USP42: variants seen among roughly 807,000 people sequenced by gnomAD.
USP42 encodes ubiquitin carboxyl-terminal hydrolase 42.
USP42 carries 23 observed loss-of-function variants against 113.0 expected under a neutral mutation model. That is an observed-to-expected ratio of 0.20 (90% CI 0.15 to 0.29). The LOEUF (loss-of-function observed/expected upper bound fraction) is 0.29. Among genes scored for constraint, USP42 ranks in the 10% least tolerant of loss-of-function variants. The pLI, the probability that USP42 is intolerant of heterozygous loss-of-function variation, is 1.00. For synonymous variants in USP42, 933 were observed against 699.0 expected (o/e 1.33, Z -5.28); for missense variants, 2,174 against 1,779.8 (o/e 1.22, Z -3.99).
rs1562867135 is a variant in USP42 at position 6,161,156 on chromosome 7, A to G, written c.*638A>G. 1 of 152,650 alleles carries G rather than the reference A, an allele frequency of 6.6e-6. No homozygotes were observed. The highest frequency in any genetic ancestry group is 1.5e-5 in the Non-Finnish European group (1 of 68,046). 9.5% of individuals were successfully genotyped at this position (152,650 alleles called of 1,614,324 possible). On this transcript the variant is annotated 3_prime_UTR_variant, in exon 18 of 18. Coordinates refer to ENST00000306177, the MANE Select transcript of USP42 (RefSeq NM_032172.3). ...GTTATGATGAGTATTTACATTATGA[A>G]TGTATAACCCAGACATGATTTGTAA...
intron 3 of USP42, among the ~76,000 whole-genome samples, chr7:6,115,888 C>G (rs1779883981): frequency 6.6e-6 from 1 of 151,982 alleles, no homozygotes; most frequent in Non-Finnish European, 1.5e-5. Context: ...CACTCGAGCC[C>G]AAGAGTTGGA....
chr7:6,089,899 C>A, the USP42 span, among the ~76,000 whole-genome samples: 1 of 150,960 alleles, frequency 6.6e-6, no homozygotes, highest in Non-Finnish European at 1.5e-5. Context: ...TGGCTGGGCG[C>A]AGGAGGCGCC....
Position 6,139,188 on chromosome 7 carries a change from G to A in USP42, c.650G>A (p.Ser217Asn). Residue 217 changes from serine to asparagine, a missense_variant, in exon 5 of 18, where the codon AGC becomes AAC. Transcript: ENST00000306177. This position sits in a 1 kb window ranked among gnomAD's most constrained non-coding sequence, Gnocchi z 4.5. Reference sequence around the variant, plus strand: ...ATGCAGAAAGCATGCTTGAATGGCAGCAATAAGTAAGTACAACAGAGCGCC... The same window carrying A: ...ATGCAGAAAGCATGCTTGAATGGCAACAATAAGTAAGTACAACAGAGCGCC... Reference protein sequence around the residue: ...DAMQKACLNGSNKLDRHTQAT... With the variant: ...DAMQKACLNGNNKLDRHTQAT... 1 of 1,600,170 alleles carries A rather than the reference G, an allele frequency of 6.2e-7. No homozygotes were observed. Among genetic ancestry groups the A allele is most frequent in the Non-Finnish European group, 8.5e-7 (1 of 1,173,116 alleles).
chr7:6,117,517 G>A (rs1165355940), intron 3 of USP42, among the ~76,000 whole-genome samples: 1 of 152,170 alleles, frequency 6.6e-6, no homozygotes, highest in East Asian at 1.9e-4. Context: ...TAGCAAACAA[G>A]CCTTTGTTAG....
intron 1 of USP42, among the ~76,000 whole-genome samples, chr7:6,106,952 T>C (rs1583566044): frequency 6.6e-6 from 1 of 152,244 alleles, no homozygotes; most frequent in Non-Finnish European, 1.5e-5. Flanking sequence ...AACAGTAATA[T>C]TTAGAAGCTT....
chr7:6,120,620 G>A (rs922421132), intron 3 of USP42, among the ~76,000 whole-genome samples: 25 of 152,192 alleles, frequency 1.6e-4, no homozygotes, highest in Admixed American at 5.2e-4. Context: ...TTAGTTTCTC[G>A]TTGCCCAGGC....
intron 12 of USP42, 132 bp downstream of exon 12, chr7:6,148,024 C>G (rs1169109043): frequency 3.0e-6 from 3 of 988,178 alleles, no homozygotes; most frequent in African/African-American, 3.3e-5. Flanking sequence ...TAATCAAACC[C>G]TCTTACACAG....
At chr7:6,117,957 T>TTATA in intron 3 of USP42, among the ~76,000 whole-genome samples, 1 of 152,368 alleles carries the variant, frequency 6.6e-6, no homozygotes, top group Non-Finnish European at 1.5e-5. Flanking sequence ...AGAGAGTTCT[T>TTATA]TATATATCCT....
upstream of USP42, among the ~76,000 whole-genome samples, chr7:6,103,505 A>G (rs1215755038): frequency 6.9e-6 from 1 of 145,008 alleles, no homozygotes; most frequent in Non-Finnish European, 1.5e-5. Context: ...CCATAAGAGC[A>G]AACTCCGTCT....
the USP42 span, among the ~76,000 whole-genome samples, chr7:6,096,999 C>T: frequency 2.9e-4 from 44 of 150,682 alleles, no homozygotes; most frequent in Non-Finnish European, 5.4e-4. Context: ...TCTTGGCTCC[C>T]GGGTTCAAGT....
At position 6,145,530 on chromosome 7, in the gene USP42, T is replaced by G; in HGVS notation, c.1005T>G (p.Pro335=). ...TTTCCTTCTAGGATGTGAAATACCC[T>G]GAGTATCTTGATATTCGGCCATATA... ...GGKIAKDVKY[P]EYLDIRPYMS... The change falls in exon 10 of 18, where the codon CCT becomes CCG. Residue 335 remains proline (P), a synonymous_variant. Coordinates refer to ENST00000306177, the MANE Select transcript of USP42 (RefSeq NM_032172.3). 2 of 1,613,984 alleles carry G rather than the reference T, an allele frequency of 1.2e-6. No homozygotes were observed. The highest frequency in any genetic ancestry group is 1.7e-6 in the Non-Finnish European group (2 of 1,179,884).
At chr7:6,152,870 C>T (rs1227414786) in intron 14 of USP42, 2 of 952,800 alleles carry the variant, frequency 2.1e-6, no homozygotes, top group African/African-American at 3.5e-5. Context: ...GGTGGCCCCT[C>T]TACCTTTGAG....
chr7:6,146,467 C>G (rs1035953566), intron 11 of USP42, among the ~76,000 whole-genome samples: 5 of 152,092 alleles, frequency 3.3e-5, no homozygotes, highest in Admixed American at 6.5e-5. Flanking sequence ...CGAGACCGAC[C>G]AGCCTGGGCA....
At chr7:6,122,803 T>C (rs1391099400) in intron 3 of USP42, among the ~76,000 whole-genome samples, 1 of 150,976 alleles carries the variant, frequency 6.6e-6, no homozygotes, top group African/African-American at 2.4e-5. Context: ...AGGGTCTCAC[T>C]AAGTTGCTCA....
intron 1 of USP42, among the ~76,000 whole-genome samples, chr7:6,110,002 A>G (rs1779509030): frequency 2.7e-5 from 4 of 149,752 alleles, no homozygotes; most frequent in Admixed American, 6.7e-5. Context: ...TGCCTGGGTA[A>G]TTTTTGTTTT....
chr7:6,084,574 C>T, the USP42 span: 1 of 151,292 alleles, frequency 6.6e-6, no homozygotes, highest in Non-Finnish European at 1.5e-5. Context: ...ACATCGCTGC[C>T]CGCATCACCA....
intron 2 of USP42, among the ~76,000 whole-genome samples, chr7:6,114,674 ATATATTTTTT>A (rs1315163029): frequency 5.7e-5 from 2 of 34,808 alleles, no homozygotes; most frequent in East Asian, 3.0e-3. Flanking sequence ...ATATATATAT[ATATATTTTTT>A]TTTTTTTTTT....
At chr7:6,118,942 C>T (rs1326230371) in intron 3 of USP42, among the ~76,000 whole-genome samples, 10 of 151,790 alleles carry the variant, frequency 6.6e-5, no homozygotes, top group Non-Finnish European at 1.2e-4. Context: ...TGGCCAACTG[C>T]AGTGGCTCAT....
At chr7:6,152,316 C>G (rs780162669) in intron 14 of USP42, among the ~76,000 whole-genome samples, 1 of 151,766 alleles carries the variant, frequency 6.6e-6, no homozygotes, top group Non-Finnish European at 1.5e-5. Context: ...AAGTTCTGAT[C>G]AAATCACAGC....
Sources: gnomAD v4.1 joint callset for allele counts (sites outside exome capture counted in the v4.1 genomes callset) on GRCh38, gnomAD v4.1.1 for gene constraint, Gnocchi (gnomAD v3.1) non-coding constraint, MANE v1.5 for transcripts, NCBI Gene and HGNC (gene_info 2026-07-23, HGNC 2026-07-21) for gene names.